HECTD4: variants seen among roughly 807,000 people sequenced by gnomAD.
HECTD4 encodes the protein HECT domain E3 ubiquitin protein ligase 4.
A neutral mutation model predicts 471.5 loss-of-function variants in HECTD4; 114 were observed. That is an observed-to-expected ratio of 0.24 (90% CI 0.21 to 0.28). The LOEUF is 0.28. Ranked by LOEUF, HECTD4 falls within the 10% of genes least tolerant of loss-of-function variation. HECTD4 has a pLI of 1.00. For synonymous variants in HECTD4, 2,012 were observed against 2,256.0 expected, an observed-to-expected ratio of 0.89 and a Z score of 3.07; for missense variants, 3,866 against 5,651.5, an observed-to-expected ratio of 0.68 and a Z score of 10.13.
intron 41 of HECTD4, among the ~76,000 whole-genome samples, chr12:112,229,152 T>C (rs527609564): frequency 6.6e-6 from 1 of 152,002 alleles, no homozygotes; most frequent in East Asian, 1.9e-4. Context: ...CCTGATGAAA[T>C]CCCATCTCTA....
At chr12:112,233,591 G>C (rs1431037298) in intron 37 of HECTD4, among the ~76,000 whole-genome samples, 1 of 151,934 alleles carries the variant, frequency 6.6e-6, no homozygotes, top group Admixed American at 6.6e-5. Context: ...ATTTATTACT[G>C]CTTAATTATA....
rs1414177429 is a variant in HECTD4 at position 112,217,388 on chromosome 12, C to T, written c.7075-193G>A. Among the ~76,000 whole-genome samples, 3 of 152,112 alleles carry T rather than the reference C, an allele frequency of 2.0e-5. No individual in the cohort carries two copies. In the East Asian group the frequency reaches 5.8e-4, roughly 29 times the overall value. On this transcript the variant is annotated intron_variant, in intron 45 of 75. Transcript: ENST00000682272. ...TTTATTTAGAGACAGAGTCTCACTC[C>T]TATCACCCAGACTGGAGTGCAGTGG...
At chr12:112,191,848 G>C (rs894122278) in intron 59 of HECTD4, among the ~76,000 whole-genome samples, 1 of 152,166 alleles carries the variant, frequency 6.6e-6, no homozygotes, top group Non-Finnish European at 1.5e-5. Flanking sequence ...CTGGGGTGTG[G>C]AGAAGCCCAG....
chr12:112,241,012 A>C (rs981081653), intron 32 of HECTD4, among the ~76,000 whole-genome samples: 1 of 152,246 alleles, frequency 6.6e-6, no homozygotes, highest in Non-Finnish European at 1.5e-5. Context: ...CCTAATGTTC[A>C]AAAATAGGGA....
In HECTD4 at chr12:112,239,835, T is replaced by C. The variant is rs2033595993; in HGVS notation, c.5105+46A>G. 3 of 1,543,322 alleles carry C rather than the reference T, an allele frequency of 1.9e-6. No individual in the cohort carries two copies. Among genetic ancestry groups the C allele is most frequent in the African/African-American group, 1.4e-5 (1 of 73,528 alleles). The stretch of plus-strand genomic sequence containing the variant: ...AAAAATACTTTCACTTAATCGACTA[T>C]ACTGCAGGGTAACTTACATACAACA... On this transcript the variant is annotated intron_variant, in intron 33 of 75. Transcript: ENST00000682272. This position sits in a 1 kb window ranked among gnomAD's most constrained non-coding sequence, Gnocchi z 4.9.
Position 112,169,642 on chromosome 12 carries a change from A to G in HECTD4, c.12069T>C (p.Ser4023=). 1 of 1,613,286 alleles carries G rather than the reference A, an allele frequency of 6.2e-7. No individual in the cohort carries two copies. The highest frequency in any genetic ancestry group is 1.3e-5 in the African/African-American group (1 of 75,068). ...CAGCCTGACAGAAGTAGGAGTTTTC[A>G]GAAGCTCTGATTTCCCCTGGAAAGT... The part of the protein sequence containing the change: ...LEIVGGEIRA[S]ENSYFCQAAR... Residue 4023 remains serine, a synonymous_variant, in exon 70 of 76, where the codon TCT becomes TCC. Transcript: ENST00000682272.
chr12:112,338,075 G>A (rs2035991013), intron 1 of HECTD4, among the ~76,000 whole-genome samples: 1 of 152,174 alleles, frequency 6.6e-6, no homozygotes, highest in Non-Finnish European at 1.5e-5. Flanking sequence ...GTATCACTGG[G>A]CTGAAATCGA....
chr12:112,292,695 A>G (rs931139046), intron 7 of HECTD4, among the ~76,000 whole-genome samples: 4 of 152,206 alleles, frequency 2.6e-5, no homozygotes, highest in Non-Finnish European at 5.9e-5. Flanking sequence ...GTGGATTAGG[A>G]TCACAAGCAT....
At chr12:112,359,585 C>T (rs1187649869) in intron 1 of HECTD4, among the ~76,000 whole-genome samples, 1 of 152,064 alleles carries the variant, frequency 6.6e-6, no homozygotes, top group Non-Finnish European at 1.5e-5. Context: ...TGTCCAGCTA[C>T]TTTTTATATT....
In HECTD4 at chr12:112,169,636, G is replaced by C; in HGVS notation, c.12075C>G (p.Asn4025Lys). Residue 4025 changes from asparagine to lysine, a missense_variant, in exon 70 of 76, where the codon AAC becomes AAG. Coordinates refer to ENST00000682272, the MANE Select transcript of HECTD4 (RefSeq NM_001388303.1). The part of the protein sequence containing the change: ...IVGGEIRASE[N>K]SYFCQAARQL... ...GCCTGGCAGCCTGACAGAAGTAGGAGTTTTCAGAAGCTCTGATTTCCCCTG... is the reference window on the plus strand; with the variant it reads ...GCCTGGCAGCCTGACAGAAGTAGGACTTTTCAGAAGCTCTGATTTCCCCTG... 6.2e-7 allele frequency: 1 copy of C among 1,613,330 alleles called. No homozygotes were observed. The highest frequency in any genetic ancestry group is 8.5e-7 in the Non-Finnish European group (1 of 1,179,888).
chr12:112,199,395 A>G (rs1021067003), intron 55 of HECTD4, among the ~76,000 whole-genome samples: 1 of 152,222 alleles, frequency 6.6e-6, no homozygotes, highest in Non-Finnish European at 1.5e-5. Flanking sequence ...GTCTATCTCA[A>G]GAGGTCTTGC....
intron 52 of HECTD4, among the ~76,000 whole-genome samples, chr12:112,207,116 G>GTGTATGTATGTATGTATGTA (rs149725381): frequency 2.7e-5 from 4 of 147,332 alleles, no homozygotes; most frequent in Non-Finnish European, 4.4e-5. Flanking sequence ...ATGTGTGTGT[G>GTGTATGTATGTATGTATGTA]TGTATGTATG....
At chr12:112,176,029 C>G (rs924071383) in intron 65 of HECTD4, among the ~76,000 whole-genome samples, 170 bp from the exon 66 acceptor site, 1 of 152,252 alleles carries the variant, frequency 6.6e-6, no homozygotes, top group Non-Finnish European at 1.5e-5. Context: ...CCACTGCGCA[C>G]AGGATACTCA....
In HECTD4 at chr12:112,163,805, A is replaced by C; in HGVS notation, c.12702-68T>G. 7.6e-7 allele frequency: 1 copy of C among 1,320,468 alleles called. No individual in the cohort carries two copies. The highest frequency in any genetic ancestry group is 2.8e-5 in the East Asian group (1 of 35,482). The allele number at this position is 1,320,468 out of a possible 1,614,324, so 81.8% of individuals were successfully genotyped here. A position where few individuals can be genotyped will look rare whatever the true frequency, so the allele number is the denominator to read the frequency against. On this transcript the variant is annotated intron_variant, in intron 73 of 75. Transcript: ENST00000682272. This position sits in a 1 kb window ranked among gnomAD's most constrained non-coding sequence, Gnocchi z 8.2. ...GAGGCTGGGTCTGGGGGCCACACCC[A>C]CTCAGCTGGAGGTCCCGGATCCTCT...
At position 112,371,403 on chromosome 12, in the gene HECTD4, C is replaced by T. The variant is rs1000409533; in HGVS notation, c.177+10549G>A. ...GCAGCCTGACCAACGTAGTGAAACCCCATCTCTTCTAAAAATACAAAGCTA... is the reference window on the plus strand; with the variant it reads ...GCAGCCTGACCAACGTAGTGAAACCTCATCTCTTCTAAAAATACAAAGCTA... On this transcript the variant is annotated intron_variant, in intron 1 of 75. Coordinates refer to ENST00000682272, the MANE Select transcript of HECTD4 (RefSeq NM_001388303.1). Among the ~76,000 whole-genome samples, 4 of 151,910 alleles carry T rather than the reference C, an allele frequency of 2.6e-5. No individual in the cohort carries two copies. The South Asian group carries it at 6.2e-4, about 24-fold the overall frequency.
Position 112,169,607 on chromosome 12 carries a change from A to T in HECTD4, c.12104T>A (p.Leu4035Gln). ...NSYFCQAARQ[L>Q]ASVPSSQLCV... ...GAGCTGAGACGACGGCACTGAGGCCAGCTGCCTGGCAGCCTGACAGAAGTA... is the reference window on the plus strand; with the variant it reads ...GAGCTGAGACGACGGCACTGAGGCCTGCTGCCTGGCAGCCTGACAGAAGTA... The change falls in exon 70 of 76, where the codon CTG becomes CAG. Residue 4035 changes from leucine (L) to glutamine (Q), a missense_variant. Physicochemically the swap from Leu to Gln is moderately radical, Grantham distance 113. This residue lies in a region of HECTD4 where 715 missense variants were observed against 1,087.6 expected (regional missense o/e 0.66). Transcript: ENST00000682272. 6.8e-6 allele frequency: 11 copies of T among 1,613,672 alleles called. No individual in the cohort carries two copies. The highest frequency in any genetic ancestry group is 9.3e-6 in the Non-Finnish European group (11 of 1,179,888).
Position 112,306,243 on chromosome 12 carries a change from G to A in HECTD4, c.1165-9C>T. ...GGCACCACCTGGCACACCTGGGCAT[G>A]AAAGGGAGGAAATCTCCATTAGAGC... On this transcript the variant is annotated splice_polypyrimidine_tract_variant and intron_variant, in intron 6 of 75. Transcript: ENST00000682272. The A allele has an allele frequency of 2.6e-6, 4 of 1,512,942 alleles. No individual in the cohort carries two copies. The highest frequency in any genetic ancestry group is 3.5e-6 in the Non-Finnish European group (4 of 1,133,182). The allele number at this position is 1,512,942 out of a possible 1,614,324, so 93.7% of individuals were successfully genotyped here. A position where few individuals can be genotyped will look rare whatever the true frequency, so the allele number is the denominator to read the frequency against.
intron 72 of HECTD4, among the ~76,000 whole-genome samples, chr12:112,165,426 A>G (rs1237037431): frequency 2.1e-5 from 3 of 143,280 alleles, no homozygotes; most frequent in Non-Finnish European, 4.5e-5. Flanking sequence ...ATATCAGCTC[A>G]CTGCAAGCTC....
In HECTD4 at chr12:112,290,859, AAAAC is replaced by A. The variant is rs1364145764; in HGVS notation, c.1336-7561_1336-7558del. ...GCGAAACTCCGTCTCAAAAAAAAACAAAACAAAAAAAAAAAACAAATCACAGATA... is the reference window on the plus strand; with the variant it reads ...GCGAAACTCCGTCTCAAAAAAAAACAAAAAAAAAAAAACAAATCACAGATA... On this transcript the variant is annotated intron_variant, in intron 7 of 75. Transcript: ENST00000682272. Among the ~76,000 whole-genome samples, 6 of 135,434 alleles carry A rather than the reference AAAAC, an allele frequency of 4.4e-5. 1 individual carries two copies. The East Asian group carries it at 8.6e-4, about 19-fold the overall frequency. The allele number at this position is 135,434 out of a possible 152,430, so 88.8% of individuals were successfully genotyped here.
Sources: allele counts gnomAD v4.1 joint callset (sites outside exome capture counted in the v4.1 genomes callset), GRCh38; gene constraint gnomAD v4.1.1; regional missense constraint gnomAD v4.1.1; non-coding constraint Gnocchi (gnomAD v3.1); transcripts MANE v1.5; gene names NCBI Gene and HGNC (gene_info 2026-07-23, HGNC 2026-07-21).